The following DGKB variants were observed in gnomAD, a reference collection of about 807,000 sequenced individuals.
DGKB encodes 90 kDa diacylglycerol kinase.
In DGKB, 67 loss-of-function variants were observed where a neutral mutation model predicts 114.3. That is an observed-to-expected ratio of 0.59 (90% CI 0.48 to 0.72). The LOEUF (loss-of-function observed/expected upper bound fraction) is 0.72. Among genes scored for constraint, DGKB ranks in the 30% least tolerant of loss-of-function variants. DGKB has a pLI of 0.00. For missense variants in DGKB, 907 were observed against 975.2 expected (o/e 0.93, Z 0.93); for synonymous variants, 398 against 323.1 (o/e 1.23, Z -2.49).
rs73069642 is a variant in DGKB at position 14,249,420 on chromosome 7, C to A, written c.2123-71269G>T. ...TTTTGAAGAGTTTAGGAAGCACTGG[C>A]ATTCTTTTTAAATGTTTAGTAGAAT... On this transcript the variant is annotated intron_variant, in intron 23 of 25. Transcript: ENST00000402815. 2.0e-5 allele frequency among the ~76,000 whole-genome samples: 3 copies of A among 152,122 alleles called. No homozygotes were observed. In the East Asian group the frequency reaches 5.8e-4, roughly 29 times the overall value.
chr7:14,451,036 G>C (rs1273000822), intron 21 of DGKB, among the ~76,000 whole-genome samples: 1 of 152,010 alleles, frequency 6.6e-6, no homozygotes, highest in African/African-American at 2.4e-5. Flanking sequence ...CCAGAGACCA[G>C]GTGGCTTCTG....
intron 1 of DGKB, among the ~76,000 whole-genome samples, chr7:14,927,109 T>A (rs905424623): frequency 6.6e-6 from 1 of 151,966 alleles, no homozygotes; most frequent in African/African-American, 2.4e-5. Context: ...AGACAGGCCA[T>A]GTTTCTCGGA....
chr7:14,346,390 T>C (rs1295992033), intron 21 of DGKB, among the ~76,000 whole-genome samples: 1 of 151,848 alleles, frequency 6.6e-6, no homozygotes, highest in Admixed American at 6.6e-5. Context: ...TGATATAAAA[T>C]TATAAAATAC....
At chr7:14,214,811 T>G (rs1269837775) in intron 23 of DGKB, among the ~76,000 whole-genome samples, 1 of 152,116 alleles carries the variant, frequency 6.6e-6, no homozygotes, top group Admixed American at 6.6e-5. Context: ...TGTCATCACC[T>G]AAGCTAATTT....
intron 1 of DGKB, among the ~76,000 whole-genome samples, chr7:14,930,610 G>A (rs1784964788): frequency 6.6e-6 from 1 of 152,130 alleles, no homozygotes; most frequent in Non-Finnish European, 1.5e-5. Context: ...ATTTGGTGGA[G>A]TGTTTAGGTT....
chr7:14,729,388 C>T (rs1195950518), intron 5 of DGKB, among the ~76,000 whole-genome samples: 1 of 152,078 alleles, frequency 6.6e-6, no homozygotes, highest in Non-Finnish European at 1.5e-5. Context: ...TCCCAAAGTG[C>T]TGGGATTACA....
intron 1 of DGKB, among the ~76,000 whole-genome samples, chr7:14,912,781 T>C (rs1260164695): frequency 5.9e-5 from 9 of 152,126 alleles, no homozygotes; most frequent in Non-Finnish European, 4.4e-5. Context: ...CCATTTCTCT[T>C]GTAGGGTGCA....
intron 21 of DGKB, among the ~76,000 whole-genome samples, chr7:14,475,388 T>C (rs549182701): frequency 6.6e-6 from 1 of 152,180 alleles, no homozygotes; most frequent in Non-Finnish European, 1.5e-5. Flanking sequence ...GTTCATATCC[T>C]GAATATATCA....
At chr7:14,493,442 A>T (rs182416791) in intron 20 of DGKB, among the ~76,000 whole-genome samples, 34 of 152,260 alleles carry the variant, frequency 2.2e-4, no homozygotes, top group Non-Finnish European at 3.4e-4. Flanking sequence ...TACTGTAATA[A>T]AAGTTACGTG....
intron 2 of DGKB, among the ~76,000 whole-genome samples, chr7:14,840,760 T>C (rs1321684206): frequency 6.8e-6 from 1 of 146,284 alleles, no homozygotes; most frequent in African/African-American, 2.5e-5. Context: ...CCCTTTTCCC[T>C]CCCTCTTGAT....
chr7:14,238,777 A>G (rs12699582), intron 23 of DGKB, among the ~76,000 whole-genome samples: 102,936 of 151,724 alleles, frequency 0.68, 36,079 homozygotes, highest in African/African-American at 0.86. Context: ...GTGGAATTTC[A>G]TATTATATCT....
At chr7:14,722,277 C>T (rs577383906) in intron 5 of DGKB, among the ~76,000 whole-genome samples, 1 of 152,328 alleles carries the variant, frequency 6.6e-6, no homozygotes, top group African/African-American at 2.4e-5. Flanking sequence ...GCCCTCCCAA[C>T]AATCTCTGAA....
intron 1 of DGKB, among the ~76,000 whole-genome samples, chr7:14,919,095 A>ACACACACAAACAC (rs1554345122): frequency 1.7e-5 from 2 of 114,970 alleles, no homozygotes; most frequent in African/African-American, 7.2e-5. Context: ...CACACACACA[A>ACACACACAAACAC]ACACACACAC....
At chr7:14,665,645 T>C (rs1418015202) in intron 13 of DGKB, among the ~76,000 whole-genome samples, 19 of 152,086 alleles carry the variant, frequency 1.2e-4, no homozygotes, top group Admixed American at 1.2e-3. Flanking sequence ...TTGATTTTAC[T>C]CTTCAAAGTT....
intron 23 of DGKB, among the ~76,000 whole-genome samples, chr7:14,232,432 T>C (rs1009846497): frequency 2.0e-5 from 3 of 151,298 alleles, no homozygotes; most frequent in African/African-American, 7.3e-5. Flanking sequence ...ATTATTATTA[T>C]TATTACTATT....
At chr7:14,174,183 G>C (rs557897802) in intron 25 of DGKB, among the ~76,000 whole-genome samples, 1 of 152,152 alleles carries the variant, frequency 6.6e-6, no homozygotes, top group African/African-American at 2.4e-5. Context: ...TTTGTGTTGA[G>C]CTTCACAGTA....
chr7:14,166,101 T>C (rs1784574461), intron 25 of DGKB, among the ~76,000 whole-genome samples: 2 of 152,228 alleles, frequency 1.3e-5, no homozygotes, highest in Admixed American at 1.3e-4. Flanking sequence ...AAGTGTCTTA[T>C]ACTAACAGAT....
In DGKB at chr7:14,195,537, A is replaced by C. The variant is rs189645383; in HGVS notation, c.2123-17386T>G. ...CAATGTAATACAGGGCAGTGCCAAC[A>C]TTACTTTACATATGACTACACGGTC... On this transcript the variant is annotated intron_variant, in intron 23 of 25. Coordinates refer to ENST00000402815, the MANE Select transcript of DGKB (RefSeq NM_001350709.2). Among the ~76,000 whole-genome samples, 14 of 152,302 alleles carry C rather than the reference A, an allele frequency of 9.2e-5. 1 individual carries two copies. The East Asian group carries it at 2.7e-3, about 29-fold the overall frequency.
intron 23 of DGKB, among the ~76,000 whole-genome samples, chr7:14,200,495 T>C (rs1372120298): frequency 2.0e-5 from 3 of 151,890 alleles, no homozygotes; most frequent in African/African-American, 7.2e-5. Flanking sequence ...AATTGTCTCT[T>C]TTTGTTTCTT....
Sources: gnomAD v4.1 joint callset for allele counts (sites outside exome capture counted in the v4.1 genomes callset) on GRCh38, gnomAD v4.1.1 for gene constraint, MANE v1.5 for transcripts, NCBI Gene and HGNC (gene_info 2026-07-23, HGNC 2026-07-21) for gene names.